REDIC1: variants seen among roughly 807,000 people sequenced by gnomAD.
REDIC1 encodes the protein HEI10 Interacting Protein 1.
At chr12:39,714,566 C>T in the REDIC1 span, among the ~76,000 whole-genome samples, 1 of 151,568 alleles carries the variant, frequency 6.6e-6, no homozygotes, top group Non-Finnish European at 1.5e-5. Flanking sequence ...TTCTTTTCCT[C>T]TGGGTGGATA....
chr12:39,753,808 C>A, the REDIC1 span, among the ~76,000 whole-genome samples: 1 of 152,278 alleles, frequency 6.6e-6, no homozygotes, highest in African/African-American at 2.4e-5. Context: ...TCACTACACA[C>A]AAGTGAGGTA....
the REDIC1 span, among the ~76,000 whole-genome samples, chr12:39,812,364 TTTCTTTTCTTTTCTTTTCTTTCTTTCTC>T: frequency 2.8e-5 from 4 of 145,314 alleles, no homozygotes; most frequent in Non-Finnish European, 6.1e-5. Flanking sequence ...TTTCTTTTCT[TTTCTTTTCTTTTCTTTTCTTTCTTTCTC>T]TCTCTCTTTC....
chr12:39,709,201 C>T, the REDIC1 span, among the ~76,000 whole-genome samples: 2 of 147,276 alleles, frequency 1.4e-5, no homozygotes, highest in African/African-American at 5.0e-5. Context: ...AAGTAAGATT[C>T]TGGATTTGGG....
the REDIC1 span, among the ~76,000 whole-genome samples, chr12:39,794,850 C>T: frequency 2.6e-5 from 4 of 152,134 alleles, no homozygotes; most frequent in African/African-American, 7.2e-5. Context: ...TTTCTCTCCA[C>T]GCATGAAGGA....
At chr12:39,647,044 G>A in the REDIC1 span, among the ~76,000 whole-genome samples, 1 of 152,086 alleles carries the variant, frequency 6.6e-6, no homozygotes, top group Non-Finnish European at 1.5e-5. Flanking sequence ...TATGCCTTAA[G>A]AATATTTTAA....
the REDIC1 span, among the ~76,000 whole-genome samples, chr12:39,808,642 T>C: frequency 6.6e-6 from 1 of 152,186 alleles, no homozygotes; most frequent in African/African-American, 2.4e-5. Flanking sequence ...TGCTGTAGCA[T>C]GTCACTATAA....
At chr12:39,653,585 C>CTACTTTCTTCTTCTTCTTT in the REDIC1 span, among the ~76,000 whole-genome samples, 1 of 75,198 alleles carries the variant, frequency 1.3e-5, no homozygotes, top group Non-Finnish European at 2.7e-5. Context: ...TCTTCCTCTT[C>CTACTTTCTTCTTCTTCTTT]TTCTTCCTCT....
chr12:39,715,484 G>A, the REDIC1 span, among the ~76,000 whole-genome samples: 1 of 151,738 alleles, frequency 6.6e-6, no homozygotes, highest in Non-Finnish European at 1.5e-5. Flanking sequence ...TCAATATTTT[G>A]AAAATGACCA....
At chr12:39,674,181 T>A in the REDIC1 span, among the ~76,000 whole-genome samples, 1 of 152,134 alleles carries the variant, frequency 6.6e-6, no homozygotes, top group African/African-American at 2.4e-5. Flanking sequence ...AAGAATCTCT[T>A]CTTTCTTCTG....
At chr12:39,817,805 G>A in the REDIC1 span, among the ~76,000 whole-genome samples, 2 of 152,046 alleles carry the variant, frequency 1.3e-5, no homozygotes, top group African/African-American at 4.8e-5. Context: ...CAGTATACCC[G>A]GGGCAATTCT....
chr12:39,831,337 C>T, the REDIC1 span, among the ~76,000 whole-genome samples: 181 of 152,188 alleles, frequency 1.2e-3, 1 homozygote, highest in Admixed American at 5.0e-3. Flanking sequence ...GAGCAAAGGG[C>T]ATTTCAGAGA....
the REDIC1 span, among the ~76,000 whole-genome samples, chr12:39,777,826 A>G: frequency 6.6e-6 from 1 of 152,174 alleles, no homozygotes; most frequent in Admixed American, 6.5e-5. Context: ...AAACCTGCTC[A>G]ATAAAACCTT....
the REDIC1 span, among the ~76,000 whole-genome samples, chr12:39,781,632 T>C: frequency 6.6e-6 from 1 of 152,248 alleles, no homozygotes; most frequent in Non-Finnish European, 1.5e-5. Context: ...TTATCCCTTA[T>C]TCTTGCTATG....
the REDIC1 span, chr12:39,720,966 A>G: frequency 6.8e-5 from 110 of 1,613,676 alleles, no homozygotes; most frequent in Non-Finnish European, 8.8e-5. Context: ...ACCAGTTCTC[A>G]GTGAAAAATA....
the REDIC1 span, among the ~76,000 whole-genome samples, chr12:39,710,772 G>A: frequency 6.6e-6 from 1 of 151,684 alleles, no homozygotes; most frequent in Non-Finnish European, 1.5e-5. Flanking sequence ...TTAAACAAAT[G>A]TATATCTTTC....
the REDIC1 span, among the ~76,000 whole-genome samples, chr12:39,639,157 C>T: frequency 6.6e-6 from 1 of 151,952 alleles, no homozygotes. Context: ...TTTCTCAGGT[C>T]CTCCTTAGTC....
chr12:39,815,880 C>T, the REDIC1 span, among the ~76,000 whole-genome samples: 1 of 152,106 alleles, frequency 6.6e-6, no homozygotes, highest in Admixed American at 6.5e-5. Flanking sequence ...CCAAATAAAA[C>T]TGGAAAAGTA....
At chr12:39,713,745 A>G in the REDIC1 span, among the ~76,000 whole-genome samples, 57 of 149,462 alleles carry the variant, frequency 3.8e-4, no homozygotes, top group Non-Finnish European at 1.9e-4. Flanking sequence ...ACATATGTAT[A>G]TATACATGTA....
chr12:39,760,273 T>TA, the REDIC1 span: 1 of 1,580,720 alleles, frequency 6.3e-7, no homozygotes. Context: ...ATATAATAGA[T>TA]ACATGAATAT....
Sources: gnomAD v4.1 joint callset for allele counts (sites outside exome capture counted in the v4.1 genomes callset) on GRCh38, gnomAD v4.1.1 for gene constraint, MANE v1.5 for transcripts, NCBI Gene and HGNC (gene_info 2026-07-23, HGNC 2026-07-21) for gene names.